The following EPC2 variants were observed in gnomAD, a reference collection of about 807,000 sequenced individuals.
EPC2 encodes the protein enhancer of polycomb 2.
EPC2 carries 14 observed loss-of-function variants against 92.1 expected under a neutral mutation model. The observed-to-expected ratio is 0.15, with a 90% confidence interval of 0.10 to 0.24. EPC2 has a LOEUF of 0.24. Among genes scored for constraint, EPC2 ranks in the 10% least tolerant of loss-of-function variants. EPC2 has a pLI of 1.00. For missense variants in EPC2, 755 were observed against 971.5 expected, an observed-to-expected ratio of 0.78 and a Z score of 2.96; for synonymous variants, 340 against 334.7, an observed-to-expected ratio of 1.02 and a Z score of -0.17.
In EPC2 at chr2:148,743,773, G is replaced by A. The variant is rs1682928315; in HGVS notation, c.459+6G>A. On this transcript the variant is annotated splice_donor_region_variant and intron_variant, in intron 3 of 13. Transcript: ENST00000258484. ...AAAAAGCCAGTTCTAATCAGGTACTGTACCATGTAAAGATGTCTCTTATCT... is the reference window on the plus strand; with the variant it reads ...AAAAAGCCAGTTCTAATCAGGTACTATACCATGTAAAGATGTCTCTTATCT... The A allele has an allele frequency of 6.5e-7, 1 of 1,545,200 alleles. No homozygotes were observed. The highest frequency in any genetic ancestry group is 1.4e-5 in the African/African-American group (1 of 70,992).
chr2:148,674,231 G>GT (rs1030960557), intron 1 of EPC2, among the ~76,000 whole-genome samples: 14 of 152,296 alleles, frequency 9.2e-5, no homozygotes, highest in Non-Finnish European at 2.1e-4. Context: ...TTTCTCAGGT[G>GT]TTTGTACTCT....
intron 2 of EPC2, among the ~76,000 whole-genome samples, chr2:148,726,921 G>A (rs1316604967): frequency 6.6e-6 from 1 of 151,394 alleles, no homozygotes; most frequent in Non-Finnish European, 1.5e-5. Context: ...CCCTGAAGAG[G>A]TTTTTTAGTT....
rs1438090949 is a variant in EPC2, at chr2:148,771,153, A to G, written c.1486A>G (p.Asn496Asp). ...TTCCCAAACTATAGACTTTTCTTCTAATTTCTCTCGGACCAATGCTTCCAG... is the reference window on the plus strand; with the variant it reads ...TTCCCAAACTATAGACTTTTCTTCTGATTTCTCTCGGACCAATGCTTCCAG... ...SSSQTIDFSS[N>D]FSRTNASSKH... is the part of the protein sequence containing the mutation. The change falls in exon 10 of 14, where the codon AAT becomes GAT. Residue 496 changes from asparagine to aspartate, a missense_variant. This residue lies in a region of EPC2 where 509 missense variants were observed against 607.7 expected (regional missense o/e 0.84). Coordinates refer to ENST00000258484, the MANE Select transcript of EPC2 (RefSeq NM_015630.4). 2.5e-6 allele frequency: 4 copies of G among 1,613,874 alleles called. No homozygotes were observed. Among genetic ancestry groups the G allele is most frequent in the Admixed American group, 1.7e-5 (1 of 60,000 alleles).
chr2:148,741,782 A>G (rs2105405974), intron 2 of EPC2, among the ~76,000 whole-genome samples: 1 of 152,326 alleles, frequency 6.6e-6, no homozygotes, highest in African/African-American at 2.4e-5. Flanking sequence ...TTATACATGT[A>G]CATGCTTAAA....
chr2:148,743,897 A>G (rs1169018408), intron 3 of EPC2, 130 bp downstream of exon 3: 22 of 684,662 alleles, frequency 3.2e-5, no homozygotes, highest in Middle Eastern at 2.6e-4. Flanking sequence ...TCTGTTTACA[A>G]TGTTCCGTGA....
intron 10 of EPC2, among the ~76,000 whole-genome samples, chr2:148,773,792 G>A (rs1281315248): frequency 1.3e-5 from 2 of 152,078 alleles, no homozygotes; most frequent in Admixed American, 6.5e-5. Flanking sequence ...ATAATTTTAA[G>A]TGAATTCAGT....
chr2:148,752,089 A>G (rs1683090720), intron 3 of EPC2, among the ~76,000 whole-genome samples: 2 of 152,314 alleles, frequency 1.3e-5, no homozygotes, highest in South Asian at 2.1e-4. Context: ...ATGCAGGAGC[A>G]TAAGAAGCAA....
intron 3 of EPC2, among the ~76,000 whole-genome samples, chr2:148,752,163 A>G (rs77803735): frequency 0.041 from 6,235 of 152,284 alleles, 166 homozygotes; most frequent in Non-Finnish European, 0.058. Context: ...TGGAAAGAGC[A>G]CTTATCCTTC....
At chr2:148,648,285 A>T (rs927050281) in intron 1 of EPC2, among the ~76,000 whole-genome samples, 5 of 152,160 alleles carry the variant, frequency 3.3e-5, no homozygotes, top group African/African-American at 1.2e-4. Flanking sequence ...TTGTGTTTTC[A>T]TGAGTGACAG....
Position 148,652,190 on chromosome 2 carries a change from T to C in EPC2, c.153+7020T>C, listed in dbSNP as rs545893152. On this transcript the variant is annotated intron_variant, in intron 1 of 13. Coordinates refer to ENST00000258484, the MANE Select transcript of EPC2 (RefSeq NM_015630.4). Reference sequence around the variant, plus strand: ...TTAGTATACCTATGTTGAGAAGTGTTACCCTCTCAGCTGGAGAGCTGCCCT... The same window carrying C: ...TTAGTATACCTATGTTGAGAAGTGTCACCCTCTCAGCTGGAGAGCTGCCCT... Among the ~76,000 whole-genome samples, 6 of 152,280 alleles carry C rather than the reference T, an allele frequency of 3.9e-5. No individual in the cohort carries two copies. In the East Asian group the frequency reaches 1.2e-3, roughly 29 times the overall value.
chr2:148,767,493 G>T (rs1683432195), intron 7 of EPC2, among the ~76,000 whole-genome samples: 2 of 152,110 alleles, frequency 1.3e-5, no homozygotes, highest in Admixed American at 6.6e-5. Context: ...TATTACTAAA[G>T]AGTAAGTATT....
In EPC2 at chr2:148,645,270, G is replaced by T. The variant is rs912714143; in HGVS notation, c.153+100G>T. 4.5e-6 allele frequency: 5 copies of T among 1,099,262 alleles called. No individual in the cohort carries two copies. The Admixed American group carries it at 1.1e-4, about 23-fold the overall frequency. 68.1% of individuals were successfully genotyped at this position (1,099,262 alleles called of 1,614,324 possible). ...CAGAGCGCTTTACGCTCGCTGGAGG[G>T]CGCCGCTGCCGCTCTAACGCACGGG... is the stretch of plus-strand genomic sequence containing the variant. On this transcript the variant is annotated intron_variant, in intron 1 of 13. Coordinates refer to ENST00000258484, the MANE Select transcript of EPC2 (RefSeq NM_015630.4).
intron 5 of EPC2, chr2:148,762,171 G>C (rs1234634253): frequency 1.2e-5 from 3 of 246,400 alleles, no homozygotes; most frequent in South Asian, 1.0e-4. Flanking sequence ...ATTTTGTTTT[G>C]GCAGAATCAT....
chr2:148,716,254 T>C (rs1184015472), intron 2 of EPC2, among the ~76,000 whole-genome samples: 2 of 152,204 alleles, frequency 1.3e-5, no homozygotes, highest in African/African-American at 2.4e-5. Flanking sequence ...AACTTCCAAT[T>C]CTATGTTGAA....
At chr2:148,692,286 C>G (rs1681662232) in intron 2 of EPC2, 1 of 160,160 alleles carries the variant, frequency 6.2e-6, no homozygotes, top group Non-Finnish European at 1.4e-5. Context: ...TTACATACTT[C>G]TGTTAGAGGA....
At chr2:148,715,059 A>G (rs1262853634) in intron 2 of EPC2, among the ~76,000 whole-genome samples, 2 of 109,964 alleles carry the variant, frequency 1.8e-5, no homozygotes, top group Admixed American at 1.2e-4. Flanking sequence ...TTGGAGACAG[A>G]GTCTTGCTCT....
intron 1 of EPC2, among the ~76,000 whole-genome samples, chr2:148,659,375 T>TA (rs961719003): frequency 3.3e-5 from 5 of 151,360 alleles, no homozygotes; most frequent in African/African-American, 4.9e-5. Flanking sequence ...ATTGCTTTTT[T>TA]AAAAAAAAAT....
chr2:148,777,644 C>T (rs1478888285), intron 10 of EPC2, among the ~76,000 whole-genome samples: 2 of 151,994 alleles, frequency 1.3e-5, no homozygotes, highest in African/African-American at 2.4e-5. Flanking sequence ...GTGGAGGTAC[C>T]CAGAGTATGT....
intron 2 of EPC2, chr2:148,691,857 A>G (rs1312944104): frequency 1.6e-6 from 1 of 622,000 alleles, no homozygotes; most frequent in Non-Finnish European, 3.1e-6. Flanking sequence ...CACTGAGGGC[A>G]TAGCCCTTTG....
Sources: allele counts gnomAD v4.1 joint callset (sites outside exome capture counted in the v4.1 genomes callset), GRCh38; gene constraint gnomAD v4.1.1; regional missense constraint gnomAD v4.1.1; transcripts MANE v1.5; gene names NCBI Gene and HGNC (gene_info 2026-07-23, HGNC 2026-07-21).